The following SMARCAD1 variants were observed in gnomAD, a reference collection of about 807,000 sequenced individuals.
The protein encoded by SMARCAD1 is SWI/SNF-related matrix-associated actin-dependent regulator of chromatin subfamily A containing DEAD/H box 1.
A neutral mutation model predicts 127.1 loss-of-function variants in SMARCAD1; 25 were observed. The ratio of observed to expected loss-of-function variants is 0.20; its 90% confidence interval spans 0.14 to 0.27. The LOEUF is 0.27. Ranked by LOEUF, SMARCAD1 falls within the 10% of genes least tolerant of loss-of-function variation. The probability of loss-of-function intolerance (pLI) is 1.00; values close to 1 mark genes in which losing one functional copy is unlikely to be tolerated. For synonymous variants in SMARCAD1, 400 were observed against 396.9 expected, an observed-to-expected ratio of 1.01 and a Z score of -0.09; for missense variants, 807 against 1,206.0, an observed-to-expected ratio of 0.67 and a Z score of 4.90.
At chr4:94,256,701 G>T (rs1750146032) in intron 9 of SMARCAD1, among the ~76,000 whole-genome samples, 1 of 152,022 alleles carries the variant, frequency 6.6e-6, no homozygotes, top group African/African-American at 2.4e-5. Context: ...TAAAATACCT[G>T]GCCTAAATTG....
intron 2 of SMARCAD1, among the ~76,000 whole-genome samples, chr4:94,217,883 C>T (rs1743444234): frequency 6.6e-6 from 1 of 152,174 alleles, no homozygotes; most frequent in South Asian, 2.1e-4. Context: ...AAGTGTATTG[C>T]TTATAGTAAG....
rs186453847 is a variant in SMARCAD1 at position 94,246,700 on chromosome 4, C to G, written c.706-2954C>G. On this transcript the variant is annotated intron_variant, in intron 6 of 23. Coordinates refer to ENST00000354268, the MANE Select transcript of SMARCAD1 (RefSeq NM_020159.5). Reference sequence around the variant, plus strand: ...CATTGAAAATACCCACTACCTGTATCAAGTCCAGTCAACATGATGTCAGTA... The same window carrying G: ...CATTGAAAATACCCACTACCTGTATGAAGTCCAGTCAACATGATGTCAGTA... Among the ~76,000 whole-genome samples, 15 of 152,260 alleles carry G rather than the reference C, an allele frequency of 9.9e-5. No homozygotes were observed. In the East Asian group the frequency reaches 2.9e-3, roughly 29 times the overall value.
In SMARCAD1 at chr4:94,281,536, A is replaced by G. The variant is rs2126000319; in HGVS notation, c.2672A>G (p.Lys891Arg). The G allele has an allele frequency of 1.2e-6, 2 of 1,613,552 alleles. No homozygotes were observed. The highest frequency in any genetic ancestry group is 1.7e-6 in the Non-Finnish European group (2 of 1,179,654). ...MMLDILEVLLKHHQHRYLRLD... is the reference protein window; with the variant it reads ...MMLDILEVLLRHHQHRYLRLD... The stretch of plus-strand genomic sequence containing the variant: ...CTGGATATCTTAGAGGTTCTATTAA[A>G]ACATCATCAGCATAGGTACCTCAGA... Residue 891 changes from lysine (K) to arginine (R), a missense_variant, in exon 21 of 24, where the codon AAA (lysine) becomes AGA (arginine). Physicochemically the swap from Lys to Arg is conservative, Grantham distance 26 (BLOSUM62 2). Coordinates refer to ENST00000354268, the MANE Select transcript of SMARCAD1 (RefSeq NM_020159.5).
At chr4:94,286,323 A>G (rs1205501931) in intron 23 of SMARCAD1, among the ~76,000 whole-genome samples, 1 of 152,228 alleles carries the variant, frequency 6.6e-6, no homozygotes, top group African/African-American at 2.4e-5. Flanking sequence ...TCCAAAGAGA[A>G]TAAACCTTCA....
intron 6 of SMARCAD1, among the ~76,000 whole-genome samples, chr4:94,242,207 GT>G (rs113120915): frequency 6.8e-6 from 1 of 146,910 alleles, no homozygotes. Flanking sequence ...CTGTTTTTTT[GT>G]TTTTTTTTTA....
chr4:94,247,948 TAGTA>T (rs1748704874), intron 6 of SMARCAD1, among the ~76,000 whole-genome samples: 1 of 152,200 alleles, frequency 6.6e-6, no homozygotes, highest in Non-Finnish European at 1.5e-5. Flanking sequence ...GTCACCCAGA[TAGTA>T]AGGATAGTAC....
chr4:94,250,024 A>G (rs1223202781), intron 7 of SMARCAD1, among the ~76,000 whole-genome samples: 1 of 152,010 alleles, frequency 6.6e-6, no homozygotes, highest in Admixed American at 6.5e-5. Flanking sequence ...CATGTAAGTC[A>G]TCTAGAAAGT....
rs1387316964 is a variant in SMARCAD1, at chr4:94,289,491, C to T, written c.3038C>T (p.Pro1013Leu). Residue 1013 changes from proline (P) to leucine (L), a missense_variant, in exon 24 of 24, where the codon CCA becomes CTA. By Grantham distance (98) the Pro-to-Leu change is moderately conservative (BLOSUM62 -3). Transcript: ENST00000354268. Reference sequence around the variant, plus strand: ...CCTACAGGTGATGAAGGGAGTATGCCAGCAGATATAGCCACATTACTAAAA... The same window carrying T: ...CCTACAGGTGATGAAGGGAGTATGCTAGCAGATATAGCCACATTACTAAAA... ...TVDEGDEGSM[P>L]ADIATLLKTS... 1 of 1,612,916 alleles carries T rather than the reference C, an allele frequency of 6.2e-7. No homozygotes were observed. The highest frequency in any genetic ancestry group is 1.7e-4 in the Middle Eastern group (1 of 6,050).
chr4:94,278,872 T>G, intron 18 of SMARCAD1, 57 bp from the exon 19 acceptor site: 1 of 1,608,852 alleles, frequency 6.2e-7, no homozygotes, highest in Non-Finnish European at 8.5e-7. Context: ...TTAGTTGATA[T>G]ATTTCAACAG....
chr4:94,264,891 C>T lies in SMARCAD1; in HGVS notation c.1466C>T (p.Ser489Phe), dbSNP rs755665740. 1 of 1,611,838 alleles carries T rather than the reference C, an allele frequency of 6.2e-7. No individual in the cohort carries two copies. The highest frequency in any genetic ancestry group is 1.1e-5 in the South Asian group (1 of 90,976). ...NGGGWNIEQP[S>F]ILNQSLSLKP... ...GGTGGATGGAACATAGAACAACCTT[C>T]CATTCTAAACCAAAGGTAATCTTTG... The change falls in exon 10 of 24, where the codon TCC (serine) becomes TTC (phenylalanine). Residue 489 changes from serine to phenylalanine, a missense_variant. By Grantham distance (155) the Ser-to-Phe change is radical. Around this residue, in one of 8 missense-constraint regions of SMARCAD1, gnomAD observed 257 missense variants for 303.4 expected, o/e 0.85. Coordinates refer to ENST00000354268, the MANE Select transcript of SMARCAD1 (RefSeq NM_020159.5).
chr4:94,217,537 ATTTTGCTTGCATATTTTTGT>A (rs1480457121), intron 2 of SMARCAD1, among the ~76,000 whole-genome samples: 1 of 152,078 alleles, frequency 6.6e-6, no homozygotes, highest in Non-Finnish European at 1.5e-5. Flanking sequence ...ACTGGCAGAA[ATTTTGCTTGCATATTTTTGT>A]TAACATTTAC....
chr4:94,276,639 A>T (rs1418267782), intron 15 of SMARCAD1, among the ~76,000 whole-genome samples, 165 bp downstream of exon 15: 1 of 152,224 alleles, frequency 6.6e-6, no homozygotes, highest in Non-Finnish European at 1.5e-5. Context: ...AATATTTCAC[A>T]CTTTATGGAC....
chr4:94,219,568 G>T (rs1388503135), intron 2 of SMARCAD1, among the ~76,000 whole-genome samples: 2 of 152,066 alleles, frequency 1.3e-5, no homozygotes, highest in Admixed American at 6.6e-5. Context: ...CTTCTTTTAT[G>T]CATACCACTC....
rs539808166 is a variant in SMARCAD1, at chr4:94,254,762, C to A, written c.1281+1755C>A. On this transcript the variant is annotated intron_variant, in intron 9 of 23. Transcript: ENST00000354268. ...TTCTACTTGAGTTCAGTGAAGACAG[C>A]AAAGTAGGTGAATGAGCTTTTTCAA... is the stretch of plus-strand genomic sequence containing the variant. 7.3e-4 allele frequency among the ~76,000 whole-genome samples: 111 copies of A among 152,152 alleles called. 1 individual carries two copies. The highest frequency in any genetic ancestry group is 2.5e-3 in the African/African-American group (104 of 41,558).
intron 2 of SMARCAD1, among the ~76,000 whole-genome samples, chr4:94,220,468 G>C (rs916764576): frequency 6.6e-6 from 1 of 151,992 alleles, no homozygotes; most frequent in South Asian, 2.1e-4. Flanking sequence ...GATTGCTCTC[G>C]AACTCCTGAC....
intron 9 of SMARCAD1, chr4:94,253,668 A>G (rs1421071987): frequency 4.9e-6 from 5 of 1,011,936 alleles, no homozygotes; most frequent in Non-Finnish European, 5.9e-6. Flanking sequence ...AGGCATAAGC[A>G]CTGGTAAGTA....
chr4:94,276,074 G>A (rs919361174), intron 14 of SMARCAD1, among the ~76,000 whole-genome samples: 3 of 152,088 alleles, frequency 2.0e-5, no homozygotes, highest in African/African-American at 7.2e-5. Flanking sequence ...TGGGATTACA[G>A]GTGTGAGCCA....
At chr4:94,247,281 G>C (rs1353757232) in intron 6 of SMARCAD1, among the ~76,000 whole-genome samples, 1 of 152,084 alleles carries the variant, frequency 6.6e-6, no homozygotes, top group African/African-American at 2.4e-5. Context: ...ATAAGCACTG[G>C]GTCGAATCAT....
In SMARCAD1 at chr4:94,290,022, C is replaced by A. The variant is rs747378154; in HGVS notation, c.*488C>A. The A allele has an allele frequency of 2.2e-6, 1 of 454,402 alleles. No homozygotes were observed. The highest frequency in any genetic ancestry group is 1.6e-5 in the South Asian group (1 of 64,472). The allele number at this position is 454,402 out of a possible 1,614,324, so 28.1% of individuals were successfully genotyped here. A position where few individuals can be genotyped will look rare whatever the true frequency, so the allele number is the denominator to read the frequency against. ...GCAGCTGTATAGATTATATAGCTTT[C>A]ATTTTATTGCTATTTGAAGCAGATG... On this transcript the variant is annotated 3_prime_UTR_variant, in exon 24 of 24. Transcript: ENST00000354268.
Sources: allele counts gnomAD v4.1 joint callset (sites outside exome capture counted in the v4.1 genomes callset), GRCh38; gene constraint gnomAD v4.1.1; regional missense constraint gnomAD v4.1.1; transcripts MANE v1.5; gene names NCBI Gene and HGNC (gene_info 2026-07-23, HGNC 2026-07-21).